Variants in PIK3AP1 observed in about 807,000 individuals in gnomAD.
PIK3AP1 encodes the protein phosphoinositide-3-kinase adaptor protein 1.
A neutral mutation model predicts 88.1 loss-of-function variants in PIK3AP1; 21 were observed. That is an observed-to-expected ratio of 0.24 (90% CI 0.17 to 0.34). The LOEUF (loss-of-function observed/expected upper bound fraction) is 0.34, where lower values mean the gene tolerates loss of function less well. Ranked by LOEUF, PIK3AP1 falls within the 10% of genes least tolerant of loss-of-function variation. PIK3AP1 has a pLI of 1.00. For missense variants in PIK3AP1, 828 were observed against 1,035.7 expected (o/e 0.80, Z 2.75); for synonymous variants, 398 against 400.0 (o/e 1.00, Z 0.06).
Position 96,628,474 on chromosome 10 carries a change from G to A in PIK3AP1, c.1395C>T (p.Ala465=). 1.9e-6 allele frequency: 3 copies of A among 1,612,662 alleles called. No individual in the cohort carries two copies. Among genetic ancestry groups the A allele is most frequent in the Non-Finnish European group, 2.5e-6 (3 of 1,178,766 alleles). The change falls in exon 9 of 17, where the codon GCC becomes GCT. Residue 465 remains alanine, a synonymous_variant. Transcript: ENST00000339364. ...CTCCAGGGATTGGGTTAGATGTACTGGCCTGAAGCATTTCAACATCTAGAA... is the reference window on the plus strand; with the variant it reads ...CTCCAGGGATTGGGTTAGATGTACTAGCCTGAAGCATTTCAACATCTAGAA... ...TEDLYVEMLQ[A]STSNPIPGDG...
At chr10:96,623,083 G>A (rs147482991) in intron 11 of PIK3AP1, among the ~76,000 whole-genome samples, 97 of 152,038 alleles carry the variant, frequency 6.4e-4, no homozygotes, top group African/African-American at 2.0e-3. Context: ...TCCTTTGTAC[G>A]ACCAATTTGC....
At chr10:96,600,376 T>G (rs1450817065) in intron 16 of PIK3AP1, among the ~76,000 whole-genome samples, 1 of 152,228 alleles carries the variant, frequency 6.6e-6, no homozygotes, top group African/African-American at 2.4e-5. Context: ...TCACTGCTCT[T>G]GGTAAGCCCT....
At chr10:96,670,951 T>A (rs1843837943) in intron 2 of PIK3AP1, among the ~76,000 whole-genome samples, 1 of 152,192 alleles carries the variant, frequency 6.6e-6, no homozygotes, top group Non-Finnish European at 1.5e-5. Flanking sequence ...TCCTGCCCTA[T>A]CTGCTTTCAA....
intron 8 of PIK3AP1, among the ~76,000 whole-genome samples, chr10:96,629,759 C>T (rs72818980): frequency 0.027 from 3,818 of 142,678 alleles, 102 homozygotes; most frequent in Non-Finnish European, 0.036. Flanking sequence ...CAAGGTATAG[C>T]GGCACCTGAC....
In PIK3AP1 at chr10:96,651,229, G is replaced by A; in HGVS notation, c.988+19C>T. 1.2e-6 allele frequency: 2 copies of A among 1,614,170 alleles called. No homozygotes were observed. Among genetic ancestry groups the A allele is most frequent in the Non-Finnish European group, 1.7e-6 (2 of 1,180,006 alleles). ...GAATCAGCCCACGTTGGTTTCCTGA[G>A]GTTTGACTGTCAACTTACTTGTCAT... On this transcript the variant is annotated intron_variant, in intron 6 of 16. Transcript: ENST00000339364.
chr10:96,620,281 C>T, intron 12 of PIK3AP1, 71 bp downstream of exon 12: 1 of 1,497,146 alleles, frequency 6.7e-7, no homozygotes. Context: ...ACAAGACAGC[C>T]ATGGCCCAGC....
chr10:96,620,628 A>T lies in PIK3AP1; in HGVS notation c.1736-71T>A. On this transcript the variant is annotated intron_variant, in intron 11 of 16. Transcript: ENST00000339364. ...ACCACTCACCAGAAGTGTACGGTTA[A>T]TGAGGCTGGTCACAGGCTCAAGAGG... 2 of 1,372,808 alleles carry T rather than the reference A, an allele frequency of 1.5e-6. 1 individual carries two copies. Among genetic ancestry groups the T allele is most frequent in the African/African-American group, 2.8e-5 (2 of 70,446 alleles). 85.0% of individuals were successfully genotyped at this position (1,372,808 alleles called of 1,614,324 possible). A position where few individuals can be genotyped will look rare whatever the true frequency, so the allele number is the denominator to read the frequency against.
At chr10:96,683,955 G>T (rs1370813152) in intron 2 of PIK3AP1, among the ~76,000 whole-genome samples, 2 of 152,200 alleles carry the variant, frequency 1.3e-5, no homozygotes, top group East Asian at 3.8e-4. Context: ...CTGGACACTT[G>T]AATTAGACTG....
chr10:96,643,407 C>G (rs1589509337), intron 8 of PIK3AP1, among the ~76,000 whole-genome samples: 1 of 152,122 alleles, frequency 6.6e-6, no homozygotes, highest in East Asian at 1.9e-4. Flanking sequence ...TTGTAAAGTG[C>G]AGGTAAGAAA....
At chr10:96,701,818 T>C (rs2134283954) in intron 2 of PIK3AP1, among the ~76,000 whole-genome samples, 1 of 152,328 alleles carries the variant, frequency 6.6e-6, no homozygotes, top group South Asian at 2.1e-4. Flanking sequence ...TGAAGCTGTA[T>C]GAACATTTAT....
intron 2 of PIK3AP1, among the ~76,000 whole-genome samples, chr10:96,692,231 T>C (rs1844163420): frequency 6.6e-6 from 1 of 152,204 alleles, no homozygotes; most frequent in Non-Finnish European, 1.5e-5. Context: ...AAATGTGTTG[T>C]GAATCATATT....
At chr10:96,667,033 G>A (rs1048021737) in intron 2 of PIK3AP1, among the ~76,000 whole-genome samples, 2 of 152,200 alleles carry the variant, frequency 1.3e-5, no homozygotes, top group African/African-American at 4.8e-5. Flanking sequence ...GCCTTGTTCC[G>A]AGCAATGCTG....
chr10:96,625,431 C>T (rs1843141775), intron 10 of PIK3AP1, among the ~76,000 whole-genome samples: 1 of 152,184 alleles, frequency 6.6e-6, no homozygotes, highest in South Asian at 2.1e-4. Context: ...AAGGAGACTG[C>T]AGGCCACAAG....
intron 2 of PIK3AP1, among the ~76,000 whole-genome samples, chr10:96,707,164 C>T (rs1202842032): frequency 6.6e-6 from 1 of 152,224 alleles, no homozygotes; most frequent in African/African-American, 2.4e-5. Context: ...TACTGAACTA[C>T]AGTCTTTGGT....
intron 1 of PIK3AP1, among the ~76,000 whole-genome samples, chr10:96,719,581 A>G (rs1844545241): frequency 6.6e-6 from 1 of 152,190 alleles, no homozygotes; most frequent in African/African-American, 2.4e-5. Context: ...AGAACATATT[A>G]GGTGCACAGT....
intron 13 of PIK3AP1, among the ~76,000 whole-genome samples, chr10:96,612,688 GC>G (rs1299120395): frequency 6.6e-6 from 1 of 151,862 alleles, no homozygotes; most frequent in Non-Finnish European, 1.5e-5. Flanking sequence ...AATGATGAGT[GC>G]CCCTCCCCAA....
chr10:96,608,350 A>T (rs2134188233), intron 14 of PIK3AP1, among the ~76,000 whole-genome samples: 1 of 152,194 alleles, frequency 6.6e-6, no homozygotes, highest in South Asian at 2.1e-4. Context: ...CCATTCCTGA[A>T]CTTGTCAGAA....
At chr10:96,657,744 C>T (rs773104196) in intron 2 of PIK3AP1, among the ~76,000 whole-genome samples, 3 of 152,040 alleles carry the variant, frequency 2.0e-5, no homozygotes, top group Non-Finnish European at 4.4e-5. Flanking sequence ...CATCAGATCC[C>T]CAAAGAGGGA....
At chr10:96,706,383 A>T (rs1455566294) in intron 2 of PIK3AP1, among the ~76,000 whole-genome samples, 1 of 152,192 alleles carries the variant, frequency 6.6e-6, no homozygotes, top group East Asian at 1.9e-4. Context: ...TTTTAAAAAG[A>T]TGGGTTATCA....
Sources: gnomAD v4.1 joint callset for allele counts (sites outside exome capture counted in the v4.1 genomes callset) on GRCh38, gnomAD v4.1.1 for gene constraint, MANE v1.5 for transcripts, NCBI Gene and HGNC (gene_info 2026-07-23, HGNC 2026-07-21) for gene names.